The following ATXN10 variants were observed in gnomAD, a reference collection of about 807,000 sequenced individuals.
The protein encoded by ATXN10 is ataxin-10.
ATXN10 carries 28 observed loss-of-function variants against 52.9 expected under a neutral mutation model. The observed-to-expected ratio is 0.53, with a 90% CI of 0.39 to 0.73. The LOEUF is 0.73. ATXN10 is among the 30% of genes least tolerant of loss of function. ATXN10 has a pLI of 0.00. For synonymous variants in ATXN10, 226 were observed against 221.5 expected (o/e 1.02, Z -0.18); for missense variants, 565 against 577.0 (o/e 0.98, Z 0.21).
At chr22:45,711,711 A>C (rs1009253312) in intron 5 of ATXN10, among the ~76,000 whole-genome samples, 1 of 152,198 alleles carries the variant, frequency 6.6e-6, no homozygotes, top group African/African-American at 2.4e-5. Context: ...ATTAAAAAAA[A>C]CCCAAACTCG....
chr22:45,699,427 C>T (rs1284416761), intron 3 of ATXN10, among the ~76,000 whole-genome samples: 1 of 148,880 alleles, frequency 6.7e-6, no homozygotes, highest in Admixed American at 6.7e-5. Context: ...CAGTTTTATA[C>T]AGATCTGAGT....
At chr22:45,811,690 A>G in intron 10 of ATXN10, 1 of 470,492 alleles carries the variant, frequency 2.1e-6, no homozygotes, top group Non-Finnish European at 4.4e-6. Context: ...TATTGTCTCT[A>G]TCCCCAGTGC....
intron 6 of ATXN10, among the ~76,000 whole-genome samples, chr22:45,726,809 G>A (rs901195565): frequency 3.3e-5 from 5 of 152,064 alleles, no homozygotes. Flanking sequence ...AGCCTCCCAA[G>A]TAGCTGGGAC....
intron 9 of ATXN10, among the ~76,000 whole-genome samples, chr22:45,765,463 C>G (rs769261447): frequency 5.3e-5 from 8 of 152,202 alleles, no homozygotes; most frequent in Non-Finnish European, 1.0e-4. Context: ...ATTCCTCTCT[C>G]TCTCCCTAAT....
chr22:45,711,749 A>G (rs964572032), intron 5 of ATXN10, among the ~76,000 whole-genome samples: 1 of 152,206 alleles, frequency 6.6e-6, no homozygotes, highest in Non-Finnish European at 1.5e-5. Flanking sequence ...ATAACAGACT[A>G]TCATGTTAGG....
At chr22:45,813,009 G>A (rs765223788) in intron 10 of ATXN10, among the ~76,000 whole-genome samples, 10 of 152,194 alleles carry the variant, frequency 6.6e-5, no homozygotes, top group Non-Finnish European at 1.5e-4. Context: ...TCCAAATCCA[G>A]GGAAAAGGCA....
Position 45,835,339 on chromosome 22 carries a change from A to G in ATXN10, c.1238-7652A>G, listed in dbSNP as rs1463006467. Among the ~76,000 whole-genome samples, 3 of 152,180 alleles carry G rather than the reference A, an allele frequency of 2.0e-5. No homozygotes were observed. Among genetic ancestry groups the G allele is most frequent in the Non-Finnish European group, 4.4e-5 (3 of 68,040 alleles). ...AGAGTACACGCCCAGCAAGGCCTGG[A>G]CAGCGCACTGGTGCCACAGCCCTTC... On this transcript the variant is annotated intron_variant, in intron 10 of 11. Coordinates refer to ENST00000252934, the MANE Select transcript of ATXN10 (RefSeq NM_013236.4). The surrounding 1 kb of genome is among the most constrained non-coding windows in gnomAD (Gnocchi z 5.0).
chr22:45,838,064 C>T (rs1468258314), intron 10 of ATXN10, among the ~76,000 whole-genome samples: 1 of 152,214 alleles, frequency 6.6e-6, no homozygotes, highest in African/African-American at 2.4e-5. Flanking sequence ...CAATCTGTCT[C>T]ATCAGACAAT....
rs780824583 is a variant in ATXN10, at chr22:45,733,338, G to A, written c.894+3748G>A. ...TTTAATACATATTCTACAATAAATAGTGTATTTTTTCCACATATTAAGGGC... is the reference window on the plus strand; with the variant it reads ...TTTAATACATATTCTACAATAAATAATGTATTTTTTCCACATATTAAGGGC... On this transcript the variant is annotated intron_variant, in intron 7 of 11. Coordinates refer to ENST00000252934, the MANE Select transcript of ATXN10 (RefSeq NM_013236.4). The surrounding 1 kb of genome is among the most constrained non-coding windows in gnomAD (Gnocchi z 4.4). Among the ~76,000 whole-genome samples the A allele has an allele frequency of 1.3e-5, 2 of 152,138 alleles. No individual in the cohort carries two copies. Among genetic ancestry groups the A allele is most frequent in the Non-Finnish European group, 2.9e-5 (2 of 68,040 alleles).
intron 7 of ATXN10, among the ~76,000 whole-genome samples, chr22:45,730,228 C>T (rs1195612970): frequency 3.3e-5 from 5 of 151,446 alleles, no homozygotes; most frequent in Non-Finnish European, 2.9e-5. Context: ...CCTATAGACC[C>T]AGCTACTTGG....
intron 9 of ATXN10, among the ~76,000 whole-genome samples, chr22:45,779,202 T>C (rs950519446): frequency 1.3e-5 from 2 of 152,238 alleles, no homozygotes; most frequent in Non-Finnish European, 2.9e-5. Flanking sequence ...TTCATGTTTC[T>C]AAGTACAGAA....
chr22:45,740,224 C>T, intron 8 of ATXN10, 145 bp from the exon 9 acceptor site: 1 of 774,058 alleles, frequency 1.3e-6, no homozygotes, highest in Non-Finnish European at 2.1e-6. Flanking sequence ...GGCAGAAGAG[C>T]CTTGTAATCA....
chr22:45,684,812 A>T lies in ATXN10; in HGVS notation c.117-4900A>T, dbSNP rs1013362125. On this transcript the variant is annotated intron_variant, in intron 1 of 11. Transcript: ENST00000252934. This position sits in a 1 kb window ranked among gnomAD's most constrained non-coding sequence, Gnocchi z 4.1. The stretch of plus-strand genomic sequence containing the variant: ...TTTTGAGTTCTGCGCAGATTTCAAA[A>T]TTTTACCCTAGGCTGTTTGTGGCAG... Among the ~76,000 whole-genome samples, 6 of 152,188 alleles carry T rather than the reference A, an allele frequency of 3.9e-5. No homozygotes were observed.
chr22:45,814,668 C>T (rs982395035), intron 10 of ATXN10, among the ~76,000 whole-genome samples: 3 of 152,232 alleles, frequency 2.0e-5, no homozygotes, highest in Non-Finnish European at 4.4e-5. Flanking sequence ...GAGTCCTCAT[C>T]CCCTCAGCCG....
rs1472740256 is a variant in ATXN10, at chr22:45,824,635, T to A, written c.1237+17613T>A. 6.6e-6 allele frequency among the ~76,000 whole-genome samples: 1 copy of A among 152,216 alleles called. No individual in the cohort carries two copies. Among genetic ancestry groups the A allele is most frequent in the East Asian group, 1.9e-4 (1 of 5,206 alleles). On this transcript the variant is annotated intron_variant, in intron 10 of 11. Coordinates refer to ENST00000252934, the MANE Select transcript of ATXN10 (RefSeq NM_013236.4). The surrounding 1 kb of genome is among the most constrained non-coding windows in gnomAD (Gnocchi z 5.2). Reference sequence around the variant, plus strand: ...TCAGATGCTAGTTGGGAACAATGACTTACAAAGTGCAGTAAACACATCACA... The same window carrying A: ...TCAGATGCTAGTTGGGAACAATGACATACAAAGTGCAGTAAACACATCACA...
At chr22:45,726,714 G>A (rs1924885053) in intron 6 of ATXN10, among the ~76,000 whole-genome samples, 1 of 152,084 alleles carries the variant, frequency 6.6e-6, no homozygotes, top group African/African-American at 2.4e-5. Context: ...TTGAGACAGG[G>A]TCGTGCTGTG....
Position 45,774,560 on chromosome 22 carries a change from G to T in ATXN10, c.1174-32399G>T, listed in dbSNP as rs1926886344. ...CTCCAGTCCTGACCAGTGTTGTACA[G>T]CAAAGGATCCCAACTCTAGGAAATC... On this transcript the variant is annotated intron_variant, in intron 9 of 11. Coordinates refer to ENST00000252934, the MANE Select transcript of ATXN10 (RefSeq NM_013236.4). The surrounding 1 kb of genome is among the most constrained non-coding windows in gnomAD (Gnocchi z 6.2). Among the ~76,000 whole-genome samples, 1 of 152,204 alleles carries T rather than the reference G, an allele frequency of 6.6e-6. No homozygotes were observed. Among genetic ancestry groups the T allele is most frequent in the Non-Finnish European group, 1.5e-5 (1 of 68,034 alleles).
chr22:45,808,064 A>G (rs991252170), intron 10 of ATXN10, among the ~76,000 whole-genome samples: 8 of 152,254 alleles, frequency 5.3e-5, no homozygotes, highest in Non-Finnish European at 1.0e-4. Context: ...TAAAGAGCAC[A>G]GTAGCTTGTA....
chr22:45,751,763 A>AAAAAAAAAAAATAATAAT lies in ATXN10; in HGVS notation c.1173+11227_1173+11228insAAAAAAAAATAATAATAA. The stretch of plus-strand genomic sequence containing the variant: ...TGGAAAAAAAAAAAAAATAAAAAAA[A>AAAAAAAAAAAATAATAAT]AATAATAATAATAATAATAATAATA... On this transcript the variant is annotated intron_variant, in intron 9 of 11. Transcript: ENST00000252934. Among the ~76,000 whole-genome samples, 141 of 66,532 alleles carry AAAAAAAAAAAATAATAAT rather than the reference A, an allele frequency of 2.1e-3. 2 individuals carry two copies. Among genetic ancestry groups the AAAAAAAAAAAATAATAAT allele is most frequent in the Middle Eastern group, 9.1e-3 (1 of 110 alleles). The allele number at this position is 66,532 out of a possible 152,430, so 43.6% of individuals were successfully genotyped here. A position where few individuals can be genotyped will look rare whatever the true frequency, so the allele number is the denominator to read the frequency against.
Sources: allele counts gnomAD v4.1 joint callset (sites outside exome capture counted in the v4.1 genomes callset), GRCh38; gene constraint gnomAD v4.1.1; non-coding constraint Gnocchi (gnomAD v3.1); transcripts MANE v1.5; gene names NCBI Gene and HGNC (gene_info 2026-07-23, HGNC 2026-07-21).